The following CDH12 variants were observed in gnomAD, a reference collection of about 807,000 sequenced individuals.
CDH12 encodes cadherin 12.
CDH12 carries 41 observed loss-of-function variants against 74.1 expected under a neutral mutation model. The ratio of observed to expected loss-of-function variants is 0.55; its 90% confidence interval spans 0.43 to 0.72. The LOEUF is 0.72. Ranked by LOEUF, CDH12 falls within the 30% of genes least tolerant of loss-of-function variation. The pLI is 0.00. For synonymous variants in CDH12, 399 were observed against 355.0 expected (o/e 1.12, Z -1.39); for missense variants, 945 against 977.2 (o/e 0.97, Z 0.44).
At chr5:22,311,198 C>G (rs532009230) in intron 3 of CDH12, among the ~76,000 whole-genome samples, 67 of 152,220 alleles carry the variant, frequency 4.4e-4, no homozygotes, top group Non-Finnish European at 7.9e-4. Context: ...AACTGAAGAG[C>G]ATAGATTCAA....
chr5:22,727,363 CTTCT>C (rs1744212978), intron 1 of CDH12, among the ~76,000 whole-genome samples: 1 of 151,490 alleles, frequency 6.6e-6, no homozygotes, highest in South Asian at 2.1e-4. Context: ...CTTTTTACTC[CTTCT>C]ATCTTATTAT....
At chr5:22,445,286 A>G (rs1561409514) in intron 2 of CDH12, among the ~76,000 whole-genome samples, 1 of 152,126 alleles carries the variant, frequency 6.6e-6, no homozygotes, top group Non-Finnish European at 1.5e-5. Context: ...TAAGTAAATG[A>G]ATGAGAACTA....
intron 1 of CDH12, among the ~76,000 whole-genome samples, chr5:22,566,421 G>T: frequency 6.6e-6 from 1 of 151,918 alleles, no homozygotes; most frequent in African/African-American, 2.4e-5. Context: ...TGTATTTTTA[G>T]TAGAGACGCA....
intron 3 of CDH12, among the ~76,000 whole-genome samples, chr5:22,338,227 C>T (rs1739676177): frequency 6.6e-6 from 1 of 152,038 alleles, no homozygotes; most frequent in Non-Finnish European, 1.5e-5. Flanking sequence ...TGATGGAGTA[C>T]TATTATTCAG....
intron 6 of CDH12, chr5:21,882,582 C>G (rs1752413277): frequency 5.1e-6 from 8 of 1,574,010 alleles, no homozygotes; most frequent in Non-Finnish European, 7.0e-6. Flanking sequence ...AGCCGCCCCA[C>G]AGAAATGCTT....
At chr5:22,666,036 C>A (rs1315911536) in intron 1 of CDH12, among the ~76,000 whole-genome samples, 2 of 152,132 alleles carry the variant, frequency 1.3e-5, no homozygotes, top group Non-Finnish European at 2.9e-5. Flanking sequence ...CATTCCTACT[C>A]CGATGTCTTA....
At chr5:22,752,782 G>C (rs1358700876) in intron 1 of CDH12, among the ~76,000 whole-genome samples, 1 of 150,916 alleles carries the variant, frequency 6.6e-6, no homozygotes, top group African/African-American at 2.4e-5. Context: ...ACCGTTTTTA[G>C]CCGGGATGGT....
At chr5:22,031,454 ATG>A (rs1400677659) in intron 5 of CDH12, among the ~76,000 whole-genome samples, 1 of 152,168 alleles carries the variant, frequency 6.6e-6, no homozygotes, top group African/African-American at 2.4e-5. Context: ...ATTATCATTC[ATG>A]TGTTCGTGGA....
At chr5:22,404,848 C>T (rs1287779316) in intron 3 of CDH12, among the ~76,000 whole-genome samples, 1 of 152,188 alleles carries the variant, frequency 6.6e-6, no homozygotes, top group Non-Finnish European at 1.5e-5. Flanking sequence ...CATATGTGAC[C>T]ATGAGAATTT....
At chr5:22,123,320 C>A (rs1745633557) in intron 4 of CDH12, among the ~76,000 whole-genome samples, 1 of 152,188 alleles carries the variant, frequency 6.6e-6, no homozygotes, top group Non-Finnish European at 1.5e-5. Flanking sequence ...GCCTTCCCAG[C>A]CTCCAGTGCT....
At chr5:22,065,613 G>A (rs1384823413) in intron 5 of CDH12, among the ~76,000 whole-genome samples, 1 of 152,046 alleles carries the variant, frequency 6.6e-6, no homozygotes, top group East Asian at 1.9e-4. Context: ...ATCCACACTG[G>A]GAGGGTCTAG....
chr5:22,733,362 A>G (rs545135340), intron 1 of CDH12, among the ~76,000 whole-genome samples: 1 of 152,034 alleles, frequency 6.6e-6, no homozygotes, highest in East Asian at 1.9e-4. Flanking sequence ...ACGTTAAAAA[A>G]GGAGCAAAAT....
intron 11 of CDH12, among the ~76,000 whole-genome samples, chr5:21,766,216 A>G (rs1745015197): frequency 6.6e-6 from 1 of 152,020 alleles, no homozygotes; most frequent in African/African-American, 2.4e-5. Flanking sequence ...AAAAATACAT[A>G]ACAAGCGTTT....
chr5:22,234,141 C>G (rs1432758904), intron 3 of CDH12, among the ~76,000 whole-genome samples: 1 of 152,052 alleles, frequency 6.6e-6, no homozygotes, highest in Non-Finnish European at 1.5e-5. Context: ...TTTTAAATAT[C>G]ACTTTTTGAA....
chr5:22,283,643 G>C (rs542787858), intron 3 of CDH12, among the ~76,000 whole-genome samples: 52 of 151,966 alleles, frequency 3.4e-4, no homozygotes, highest in African/African-American at 1.2e-3. Context: ...TTTGTTAAAA[G>C]GTAAAAAGTT....
chr5:21,802,468 T>C, intron 9 of CDH12, 48 bp from the exon 10 acceptor site: 1 of 1,477,728 alleles, frequency 6.8e-7, no homozygotes, highest in Non-Finnish European at 9.4e-7. Flanking sequence ...ATATAGAATG[T>C]GGCAGAAATG....
intron 3 of CDH12, among the ~76,000 whole-genome samples, chr5:22,341,827 GTGC>G (rs1277686268): frequency 6.6e-6 from 1 of 151,984 alleles, no homozygotes; most frequent in East Asian, 1.9e-4. Flanking sequence ...TGCAATCTTG[GTGC>G]TTTCATTCCT....
rs149411323 is a variant in CDH12 at position 22,076,615 on chromosome 5, T to G, written c.231+1831A>C. Among the ~76,000 whole-genome samples the G allele has an allele frequency of 4.9e-4, 74 of 152,240 alleles. 1 individual carries two copies. The East Asian group carries it at 0.014, about 29-fold the overall frequency. On this transcript the variant is annotated intron_variant, in intron 5 of 14. Transcript: ENST00000382254. ...TCAAAATTCCATTCTTACATTAAAT[T>G]AATTCAAAAGAAACAAGTATAGGAG...
chr5:22,717,109 T>G (rs1743616851), intron 1 of CDH12, among the ~76,000 whole-genome samples: 1 of 152,148 alleles, frequency 6.6e-6, no homozygotes, highest in Admixed American at 6.5e-5. Flanking sequence ...GCCCAAGCAG[T>G]GTTGATAAAG....
Sources: gnomAD v4.1 joint callset for allele counts (sites outside exome capture counted in the v4.1 genomes callset) on GRCh38, gnomAD v4.1.1 for gene constraint, MANE v1.5 for transcripts, NCBI Gene and HGNC (gene_info 2026-07-23, HGNC 2026-07-21) for gene names.